Variants in ARHGAP11B observed in about 807,000 individuals in gnomAD.
ARHGAP11B encodes the protein Rho GTPase activating protein 11B, also known as inactive Rho GTPase-activating protein 11B.
A neutral mutation model predicts 27.6 loss-of-function variants in ARHGAP11B; 14 were observed. The ratio of observed to expected loss-of-function variants is 0.51; its 90% CI spans 0.34 to 0.79. ARHGAP11B has a LOEUF of 0.79. Among genes scored for constraint, ARHGAP11B ranks in the 30% least tolerant of loss-of-function variants. The probability of loss-of-function intolerance (pLI) is 0.02; values close to 1 mark genes in which losing one functional copy is unlikely to be tolerated. For missense variants in ARHGAP11B, 245 were observed against 320.1 expected (o/e 0.77, Z 1.79); for synonymous variants, 82 against 114.1 (o/e 0.72, Z 1.80).
Position 30,626,621 on chromosome 15 carries a change from C to T in ARHGAP11B, c.-200C>T, listed in dbSNP as rs2060208885. 7.5e-6 allele frequency: 5 copies of T among 662,720 alleles called. 1 individual carries two copies. The highest frequency in any genetic ancestry group is 1.8e-5 in the African/African-American group (1 of 54,652). 41.1% of individuals were successfully genotyped at this position (662,720 alleles called of 1,614,324 possible). On this transcript the variant is annotated 5_prime_UTR_variant, in exon 1 of 11. Coordinates refer to ENST00000428041, the Ensembl canonical transcript of ARHGAP11B. ...GGCTGGATCAAAGGGCTAAGAGAAGCGGGTCTGTGTAAGTGGATGTGAGTG... is the reference window on the plus strand; with the variant it reads ...GGCTGGATCAAAGGGCTAAGAGAAGTGGGTCTGTGTAAGTGGATGTGAGTG...
chr15:30,638,955 A>G (rs1437648938), intron 7 of ARHGAP11B, 145 bp downstream of exon 7: 2 of 418,686 alleles, frequency 4.8e-6, no homozygotes, highest in East Asian at 4.7e-5. Flanking sequence ...TAATAGTCAT[A>G]CTGTACTATA....
chr15:30,629,499 G>A (rs1775848885), intron 1 of ARHGAP11B, among the ~76,000 whole-genome samples: 1 of 152,022 alleles, frequency 6.6e-6, no homozygotes, highest in Non-Finnish European at 1.5e-5. Flanking sequence ...CTTGCAGTGA[G>A]CCGAGATTGT....
At chr15:30,626,936 C>A (rs1201238334) in exon 1 of ARHGAP11B, 1 of 1,613,016 alleles carries the variant, frequency 6.2e-7, no homozygotes, top group African/African-American at 1.3e-5. Context: ...GAAACAGCAG[C>A]CACGGAAATA....
Position 30,642,580 on chromosome 15 carries a change from A to G in ARHGAP11B, c.*79-2059A>G, listed in dbSNP as rs886327103. ...TAGCTTATTTTTTATAATACCATTA[A>G]TTAGTATTATGTACTAGATACTGAC... On this transcript the variant is annotated intron_variant, in intron 7 of 10. Coordinates refer to ENST00000428041, the Ensembl canonical transcript of ARHGAP11B. Among the ~76,000 whole-genome samples, 12 of 151,966 alleles carry G rather than the reference A, an allele frequency of 7.9e-5. 1 individual carries two copies. The highest frequency in any genetic ancestry group is 7.9e-4 in the Admixed American group (12 of 15,222).
At chr15:30,644,535 T>C in intron 7 of ARHGAP11B, 4 of 642,716 alleles carry the variant, frequency 6.2e-6, no homozygotes, top group Non-Finnish European at 1.1e-5. Context: ...TTTTACACAT[T>C]CTTTTTTTGT....
At chr15:30,628,333 G>A (rs944646322) in intron 1 of ARHGAP11B, among the ~76,000 whole-genome samples, 3 of 151,712 alleles carry the variant, frequency 2.0e-5, no homozygotes, top group Non-Finnish European at 4.4e-5. Flanking sequence ...CGCCCGCCTC[G>A]GCCTCCCAAA....
chr15:30,641,233 AAT>A lies in ARHGAP11B; in HGVS notation c.*78+2415_*78+2416del, dbSNP rs1446012003. Among the ~76,000 whole-genome samples, 10 of 152,210 alleles carry A rather than the reference AAT, an allele frequency of 6.6e-5. No homozygotes were observed. In the South Asian group the frequency reaches 2.1e-3, roughly 32 times the overall value. ...AACAAATTCCATTTGCAAAATTGAA[AAT>A]AGATTGATTTCTAAGTTTAGATTAT... On this transcript the variant is annotated intron_variant, in intron 7 of 10. Transcript: ENST00000428041.
chr15:30,637,932 G>A (rs1470289004), intron 6 of ARHGAP11B, among the ~76,000 whole-genome samples: 2 of 147,422 alleles, frequency 1.4e-5, no homozygotes, highest in Admixed American at 1.4e-4. Context: ...CGATTCTCTT[G>A]CCTCAGTCTC....
At chr15:30,635,313 T>G (rs966240126) in intron 5 of ARHGAP11B, 125 bp downstream of exon 5, 9 of 1,474,502 alleles carry the variant, frequency 6.1e-6, no homozygotes, top group Non-Finnish European at 8.3e-6. Context: ...TCAAAGGAAC[T>G]ATGAAGGCAA....
intron 1 of ARHGAP11B, among the ~76,000 whole-genome samples, chr15:30,630,406 A>G (rs1478261135): frequency 7.0e-6 from 1 of 142,698 alleles, no homozygotes; most frequent in Non-Finnish European, 1.5e-5. Context: ...GAATTTACTG[A>G]CTAACCACTA....
chr15:30,643,519 C>T (rs567574113), intron 7 of ARHGAP11B, among the ~76,000 whole-genome samples: 59 of 152,084 alleles, frequency 3.9e-4, no homozygotes, highest in South Asian at 2.1e-4. Context: ...CCTCATGATC[C>T]GCCTGCCTAG....
At chr15:30,642,649 C>T (rs529945470) in intron 7 of ARHGAP11B, among the ~76,000 whole-genome samples, 9 of 151,822 alleles carry the variant, frequency 5.9e-5, no homozygotes, top group African/African-American at 1.7e-4. Flanking sequence ...CATAGAAGTC[C>T]GTTTTCAGAG....
chr15:30,628,426 G>C (rs1384322894), intron 1 of ARHGAP11B, among the ~76,000 whole-genome samples: 1 of 152,028 alleles, frequency 6.6e-6, no homozygotes, highest in East Asian at 1.9e-4. Flanking sequence ...TTCAGAGTCG[G>C]ATAGACCTGA....
intron 1 of ARHGAP11B, among the ~76,000 whole-genome samples, chr15:30,627,996 C>G (rs1447869237): frequency 6.6e-6 from 1 of 151,322 alleles, no homozygotes; most frequent in Non-Finnish European, 1.5e-5. Flanking sequence ...ACTGGCTTTC[C>G]AAGATCTCAA....
At chr15:30,646,749 C>G (rs1400286599) in intron 9 of ARHGAP11B, among the ~76,000 whole-genome samples, 1 of 151,646 alleles carries the variant, frequency 6.6e-6, no homozygotes, top group African/African-American at 2.4e-5. Flanking sequence ...GCGGGTGGAT[C>G]ACCTGAGGTC....
intron 6 of ARHGAP11B, among the ~76,000 whole-genome samples, chr15:30,637,382 A>G (rs2060286232): frequency 6.6e-6 from 1 of 152,070 alleles, no homozygotes; most frequent in Non-Finnish European, 1.5e-5. Context: ...ATCTATAATC[A>G]GACAGTTTTT....
At chr15:30,635,547 G>C in exon 6 of ARHGAP11B, 1 of 1,613,170 alleles carries the variant, frequency 6.2e-7, no homozygotes, top group Non-Finnish European at 8.5e-7. Flanking sequence ...GATGGTCTCT[G>C]TGCTACTCCA....
At chr15:30,646,539 G>C (rs2140910726) in intron 9 of ARHGAP11B, among the ~76,000 whole-genome samples, 1 of 151,776 alleles carries the variant, frequency 6.6e-6, no homozygotes, top group Non-Finnish European at 1.5e-5. Context: ...TAACTTGTAA[G>C]ATTTTAAAAA....
chr15:30,637,729 G>A lies in ARHGAP11B; in HGVS notation c.*4-1017G>A, dbSNP rs900951777. Among the ~76,000 whole-genome samples the A allele has an allele frequency of 4.0e-5, 6 of 151,356 alleles. No individual in the cohort carries two copies. In the South Asian group the frequency reaches 6.3e-4, roughly 16 times the overall value. ...AGCCTGGGCAACATAGCGAGACTCCGTCTCAAAAATAAAAATTAAAAAAAG... is the reference window on the plus strand; with the variant it reads ...AGCCTGGGCAACATAGCGAGACTCCATCTCAAAAATAAAAATTAAAAAAAG... On this transcript the variant is annotated intron_variant, in intron 6 of 10. Coordinates refer to ENST00000428041, the Ensembl canonical transcript of ARHGAP11B.
Sources: allele counts gnomAD v4.1 joint callset (sites outside exome capture counted in the v4.1 genomes callset), GRCh38; gene constraint gnomAD v4.1.1; transcripts MANE v1.5; gene names NCBI Gene and HGNC (gene_info 2026-07-23, HGNC 2026-07-21).